FAXC: variants seen among roughly 807,000 people sequenced by gnomAD.
FAXC encodes failed axon connections homolog.
Under a neutral mutation model 41.9 loss-of-function variants are expected in FAXC, and 10 were observed. That is an observed-to-expected ratio of 0.24 (90% confidence interval 0.15 to 0.41). FAXC has a LOEUF of 0.41. FAXC is among the 10% of genes least tolerant of loss of function. FAXC has a pLI of 1.00. For missense variants in FAXC, 399 were observed against 510.9 expected, an observed-to-expected ratio of 0.78 and a Z score of 2.11; for synonymous variants, 183 against 183.8, an observed-to-expected ratio of 1.00 and a Z score of 0.03.
chr6:99,336,558 A>T (rs1429050270), intron 2 of FAXC, among the ~76,000 whole-genome samples: 3 of 152,194 alleles, frequency 2.0e-5, no homozygotes, highest in Non-Finnish European at 4.4e-5. Flanking sequence ...TTCCAAGCTG[A>T]TGTTTCCTTC....
At position 99,274,596 on chromosome 6, in the gene FAXC, CAT is replaced by C. The variant is rs747448544; in HGVS notation, c.*6566_*6567del. 2.6e-5 allele frequency: 4 copies of C among 152,272 alleles called. No individual in the cohort carries two copies. Among genetic ancestry groups the C allele is most frequent in the Non-Finnish European group, 4.4e-5 (3 of 68,006 alleles). The allele number at this position is 152,272 out of a possible 1,614,324, so 9.4% of individuals were successfully genotyped here. On this transcript the variant is annotated 3_prime_UTR_variant, in exon 6 of 6. Transcript: ENST00000389677. Reference sequence around the variant, plus strand: ...ATGATGTAGATCACTGGGAAAAAAACATGTGTTTACAATAAGCTTGTTCTGAT... The same window carrying C: ...ATGATGTAGATCACTGGGAAAAAAACGTGTTTACAATAAGCTTGTTCTGAT...
intron 2 of FAXC, among the ~76,000 whole-genome samples, chr6:99,340,612 A>G (rs1678417322): frequency 6.6e-6 from 1 of 151,936 alleles, no homozygotes; most frequent in South Asian, 2.1e-4. Context: ...ATAACATACT[A>G]AAGTTTGTTG....
intron 1 of FAXC, among the ~76,000 whole-genome samples, chr6:99,345,908 TA>T (rs887793965): frequency 2.0e-5 from 3 of 152,200 alleles, no homozygotes; most frequent in African/African-American, 7.2e-5. Flanking sequence ...AATATGGTGC[TA>T]AAAAACATGG....
At position 99,271,914 on chromosome 6, in the gene FAXC, T is replaced by A. The variant is rs919321299; in HGVS notation, c.*9250A>T. The A allele has an allele frequency of 6.6e-6, 1 of 152,198 alleles. No homozygotes were observed. Among genetic ancestry groups the A allele is most frequent in the Non-Finnish European group, 1.5e-5 (1 of 68,038 alleles). The allele number at this position is 152,198 out of a possible 1,614,324, so 9.4% of individuals were successfully genotyped here. On this transcript the variant is annotated 3_prime_UTR_variant, in exon 6 of 6. Transcript: ENST00000389677. ...CTGCATGTCTCTATAGATCTTGACA[T>A]GCCTATAGGCCCAGCTATCCTTTAA...
intron 4 of FAXC, among the ~76,000 whole-genome samples, chr6:99,310,847 C>T (rs567674640): frequency 6.6e-6 from 1 of 152,250 alleles, no homozygotes; most frequent in Admixed American, 6.5e-5. Context: ...GAGTGTGTGG[C>T]TGCTGTGTTG....
At chr6:99,298,813 C>T (rs1771591080) in intron 4 of FAXC, among the ~76,000 whole-genome samples, 1 of 152,144 alleles carries the variant, frequency 6.6e-6, no homozygotes, top group South Asian at 2.1e-4. Context: ...ATAAGGAATT[C>T]TTTTATACTC....
chr6:99,349,842 A>G (rs1310180126), upstream of FAXC, among the ~76,000 whole-genome samples: 3 of 151,956 alleles, frequency 2.0e-5, no homozygotes, highest in Non-Finnish European at 2.9e-5. Flanking sequence ...CGGCACGCCC[A>G]AAAACCGCTC....
At chr6:99,346,647 G>A (rs72917390) in intron 1 of FAXC, among the ~76,000 whole-genome samples, 47,861 of 151,486 alleles carry the variant, frequency 0.32, 7,781 homozygotes, top group East Asian at 0.5. Flanking sequence ...TGATCCGCCC[G>A]CGTCAGCCTC....
At chr6:99,347,307 C>T (rs1773635795) in intron 1 of FAXC, among the ~76,000 whole-genome samples, 2 of 151,634 alleles carry the variant, frequency 1.3e-5, no homozygotes, top group South Asian at 2.1e-4. Context: ...GAGGCTGAGC[C>T]AGGAGAATCA....
chr6:99,290,519 T>C (rs569660786), intron 5 of FAXC, among the ~76,000 whole-genome samples: 2 of 151,806 alleles, frequency 1.3e-5, no homozygotes, highest in East Asian at 2.0e-4. Context: ...CTGACCGACA[T>C]GGCAAAACCC....
intron 4 of FAXC, among the ~76,000 whole-genome samples, chr6:99,294,185 C>T (rs1771372943): frequency 6.6e-6 from 1 of 152,188 alleles, no homozygotes; most frequent in African/African-American, 2.4e-5. Flanking sequence ...GAGTCTTACA[C>T]CATTATCCAA....
intron 4 of FAXC, among the ~76,000 whole-genome samples, chr6:99,301,573 GA>G (rs1475500368): frequency 1.3e-5 from 2 of 152,192 alleles, no homozygotes; most frequent in Admixed American, 6.5e-5. Flanking sequence ...AAAGATCACT[GA>G]AGCCAGAAAC....
At chr6:99,325,104 G>T (rs201386896) in intron 3 of FAXC, among the ~76,000 whole-genome samples, 5 of 148,424 alleles carry the variant, frequency 3.4e-5, no homozygotes, top group South Asian at 4.3e-4. Flanking sequence ...TTTAAGGTTT[G>T]TTTTTTTTTT....
At chr6:99,281,558 A>G in intron 5 of FAXC, 105 bp from the exon 6 acceptor site, 1 of 912,494 alleles carries the variant, frequency 1.1e-6, no homozygotes, top group Non-Finnish European at 1.7e-6. Context: ...CCTGACTCCC[A>G]ATGTGATGGT....
In FAXC at chr6:99,275,967, C is replaced by T. The variant is rs1770593267; in HGVS notation, c.*5197G>A. On this transcript the variant is annotated 3_prime_UTR_variant, in exon 6 of 6. Transcript: ENST00000389677. The stretch of plus-strand genomic sequence containing the variant: ...ATAAAGGTCAAGCACTTCACAATCA[C>T]ATGCAATTGATCCCTGGACCTGTTA... The T allele has an allele frequency of 6.6e-6, 1 of 152,136 alleles. No individual in the cohort carries two copies. The highest frequency in any genetic ancestry group is 2.4e-5 in the African/African-American group (1 of 41,438). The allele number at this position is 152,136 out of a possible 1,614,324, so 9.4% of individuals were successfully genotyped here.
intron 4 of FAXC, among the ~76,000 whole-genome samples, chr6:99,303,850 C>G (rs1458203215): frequency 6.6e-6 from 1 of 152,178 alleles, no homozygotes; most frequent in Non-Finnish European, 1.5e-5. Flanking sequence ...TCTTTAAGCT[C>G]TACCTCTATA....
chr6:99,311,570 G>A (rs34660813), intron 4 of FAXC, among the ~76,000 whole-genome samples: 1,939 of 152,180 alleles, frequency 0.013, 23 homozygotes, highest in Non-Finnish European at 0.019. Context: ...GCAAGACTCC[G>A]TCTCAAAAAT....
intron 2 of FAXC, among the ~76,000 whole-genome samples, chr6:99,333,895 T>C (rs1773122402): frequency 6.6e-6 from 1 of 152,112 alleles, no homozygotes; most frequent in African/African-American, 2.4e-5. Flanking sequence ...AGTTTTAATG[T>C]ACAAACAATT....
intron 2 of FAXC, among the ~76,000 whole-genome samples, chr6:99,336,800 A>G (rs1268581898): frequency 6.6e-6 from 1 of 152,168 alleles, no homozygotes. Flanking sequence ...CAGTGCCTTC[A>G]TCAGAAGTAT....
Sources: allele counts gnomAD v4.1 joint callset (sites outside exome capture counted in the v4.1 genomes callset), GRCh38; gene constraint gnomAD v4.1.1; transcripts MANE v1.5; gene names NCBI Gene and HGNC (gene_info 2026-07-23, HGNC 2026-07-21).